Variants in LRP8 observed in about 807,000 individuals in gnomAD.
LRP8 encodes the protein low-density lipoprotein receptor-related protein 8.
A neutral mutation model predicts 111.6 loss-of-function variants in LRP8; 46 were observed. The observed-to-expected ratio is 0.41, with a 90% CI of 0.33 to 0.53. LRP8 has a LOEUF of 0.53. Ranked by LOEUF, LRP8 falls within the 20% of genes least tolerant of loss-of-function variation. LRP8 has a pLI of 0.20. For missense variants in LRP8, 959 were observed against 1,297.4 expected, an observed-to-expected ratio of 0.74 and a Z score of 4.01; for synonymous variants, 464 against 511.2, an observed-to-expected ratio of 0.91 and a Z score of 1.24.
Position 53,262,011 on chromosome 1 carries a change from A to G in LRP8, c.1914+57T>C. 2 of 1,592,340 alleles carry G rather than the reference A, an allele frequency of 1.3e-6. No individual in the cohort carries two copies. The highest frequency in any genetic ancestry group is 1.7e-6 in the Non-Finnish European group (2 of 1,167,448). On this transcript the variant is annotated intron_variant, in intron 12 of 18. Transcript: ENST00000306052. This position sits in a 1 kb window ranked among gnomAD's most constrained non-coding sequence, Gnocchi z 4.8. ...CTCAGGGACTCATCCTATTTGAACA[A>G]GCATTTTCTAGGCTTCAGCTTCCTA...
rs946802142 is a variant in LRP8, at chr1:53,250,449, C to T, written c.2676+241G>A. 1.3e-5 allele frequency among the ~76,000 whole-genome samples: 2 copies of T among 149,338 alleles called. No homozygotes were observed. Among genetic ancestry groups the T allele is most frequent in the Admixed American group, 6.7e-5 (1 of 14,946 alleles). Reference sequence around the variant, plus strand: ...CTAGAACAGTGCCTGATACATGGTGCGTTTTTGATAAATGTTTGAGGAAGG... The same window carrying T: ...CTAGAACAGTGCCTGATACATGGTGTGTTTTTGATAAATGTTTGAGGAAGG... On this transcript the variant is annotated intron_variant, in intron 17 of 18. Transcript: ENST00000306052. The surrounding 1 kb of genome is among the most constrained non-coding windows in gnomAD (Gnocchi z 4.6).
At chr1:53,285,015 T>A (rs145056377) in intron 3 of LRP8, among the ~76,000 whole-genome samples, 162 of 152,326 alleles carry the variant, frequency 1.1e-3, no homozygotes, top group Non-Finnish European at 2.0e-3. Flanking sequence ...TGAGCCTGGC[T>A]CGCAGGGTCC....
At chr1:53,265,302 T>A (rs187096557) in intron 9 of LRP8, among the ~76,000 whole-genome samples, 29 of 152,278 alleles carry the variant, frequency 1.9e-4, no homozygotes, top group African/African-American at 7.0e-4. Flanking sequence ...ACAGCTCTCT[T>A]ACGATCCAGA....
chr1:53,302,874 A>C (rs1480920217), intron 2 of LRP8, among the ~76,000 whole-genome samples: 1 of 69,908 alleles, frequency 1.4e-5, no homozygotes, highest in Non-Finnish European at 2.9e-5. Flanking sequence ...TTTTTTTTGG[A>C]TTTTTGTTGT....
intron 3 of LRP8, among the ~76,000 whole-genome samples, chr1:53,288,624 C>T (rs1026006290): frequency 2.0e-5 from 3 of 152,030 alleles, no homozygotes; most frequent in African/African-American, 7.2e-5. Context: ...CCAGCCACGG[C>T]GTTAGATGGG....
Position 53,314,036 on chromosome 1 carries a change from A to G in LRP8, c.244+12837T>C, listed in dbSNP as rs1320641773. On this transcript the variant is annotated intron_variant, in intron 2 of 18. Coordinates refer to ENST00000306052, the MANE Select transcript of LRP8 (RefSeq NM_004631.5). ...GTGTCGGGACCTTCTTCCTTCCCCT[A>G]TTCAAGGTGAGGCCTTGGGGGAAGG... is the stretch of plus-strand genomic sequence containing the variant. Among the ~76,000 whole-genome samples the G allele has an allele frequency of 2.0e-5, 3 of 152,030 alleles. No individual in the cohort carries two copies. The East Asian group carries it at 5.8e-4, about 29-fold the overall frequency.
intron 2 of LRP8, among the ~76,000 whole-genome samples, chr1:53,314,052 T>C (rs12089650): frequency 0.044 from 6,697 of 152,062 alleles, 487 homozygotes; most frequent in African/African-American, 0.15. Flanking sequence ...GGTGAGGCCT[T>C]GGGGGAAGGA....
At chr1:53,252,680 A>AAAG (rs1372277087) in intron 16 of LRP8, among the ~76,000 whole-genome samples, 1 of 152,248 alleles carries the variant, frequency 6.6e-6, no homozygotes, top group Non-Finnish European at 1.5e-5. Context: ...GAGGGACGTA[A>AAAG]AAGAAGACTG....
intron 6 of LRP8, chr1:53,274,686 G>A (rs1239784044): frequency 4.8e-5 from 22 of 456,184 alleles, no homozygotes; most frequent in Non-Finnish European, 8.4e-5. Flanking sequence ...AGTGGGCGTA[G>A]ACAGGCACCG....
At chr1:53,255,234 A>T (rs775930841) in intron 15 of LRP8, 49 bp from the exon 16 acceptor site, 1 of 1,559,034 alleles carries the variant, frequency 6.4e-7, no homozygotes, top group Non-Finnish European at 8.8e-7. Context: ...CTGTGTGTCC[A>T]AGCCCCTACT....
At position 53,303,231 on chromosome 1, in the gene LRP8, C is replaced by T. The variant is rs868076068; in HGVS notation, c.245-13542G>A. Among the ~76,000 whole-genome samples, 4 of 152,146 alleles carry T rather than the reference C, an allele frequency of 2.6e-5. No individual in the cohort carries two copies. Among genetic ancestry groups the T allele is most frequent in the African/African-American group, 7.2e-5 (3 of 41,424 alleles). On this transcript the variant is annotated intron_variant, in intron 2 of 18. Coordinates refer to ENST00000306052, the MANE Select transcript of LRP8 (RefSeq NM_004631.5). The surrounding 1 kb of genome is among the most constrained non-coding windows in gnomAD (Gnocchi z 4.3). ...CCTCCCCGTTCGAATGGGAGAGGGC[C>T]GGGGGCAGACAGGCAAGGGGCATGG... is the stretch of plus-strand genomic sequence containing the variant.
At position 53,246,674 on chromosome 1, in the gene LRP8, T is replaced by C. The variant is rs1256049242; in HGVS notation, c.*344A>G. 4.9e-6 allele frequency: 1 copy of C among 204,930 alleles called. No individual in the cohort carries two copies. Among genetic ancestry groups the C allele is most frequent in the Non-Finnish European group, 9.8e-6 (1 of 102,448 alleles). The allele number at this position is 204,930 out of a possible 1,614,324, so 12.7% of individuals were successfully genotyped here. ...AGCAACCAAACATCTTCTGTAAATATAGTTTTTAAATGATGAGTAAGGTAC... is the reference window on the plus strand; with the variant it reads ...AGCAACCAAACATCTTCTGTAAATACAGTTTTTAAATGATGAGTAAGGTAC... On this transcript the variant is annotated 3_prime_UTR_variant, in exon 19 of 19. Coordinates refer to ENST00000306052, the MANE Select transcript of LRP8 (RefSeq NM_004631.5).
At chr1:53,265,947 CAA>C (rs1646537364) in intron 9 of LRP8, among the ~76,000 whole-genome samples, 1 of 152,200 alleles carries the variant, frequency 6.6e-6, no homozygotes, top group African/African-American at 2.4e-5. Context: ...ACTGTGGCGT[CAA>C]AGACAGTGAA....
chr1:53,254,980 G>T, intron 16 of LRP8, 137 bp downstream of exon 16: 1 of 889,022 alleles, frequency 1.1e-6, no homozygotes, highest in Non-Finnish European at 1.8e-6. Context: ...ATTAAATCAG[G>T]ACTGGGAGGT....
At position 53,262,707 on chromosome 1, in the gene LRP8, A is replaced by T. The variant is rs1646390617; in HGVS notation, c.1656-143T>A. On this transcript the variant is annotated intron_variant, in intron 10 of 18. Coordinates refer to ENST00000306052, the MANE Select transcript of LRP8 (RefSeq NM_004631.5). The surrounding 1 kb of genome is among the most constrained non-coding windows in gnomAD (Gnocchi z 4.8). The stretch of plus-strand genomic sequence containing the variant: ...AAGACCTCTAAAGTTCTTTTGAACC[A>T]TCAAATCTTAGATTTAGCAGGCACT... 5 of 695,592 alleles carry T rather than the reference A, an allele frequency of 7.2e-6. No homozygotes were observed. The highest frequency in any genetic ancestry group is 1.8e-5 in the African/African-American group (1 of 56,716). 43.1% of individuals were successfully genotyped at this position (695,592 alleles called of 1,614,324 possible).
Position 53,266,659 on chromosome 1 carries a change from G to A in LRP8, c.1253-12C>T, listed in dbSNP as rs1315117770. The A allele has an allele frequency of 6.2e-7, 1 of 1,613,326 alleles. No individual in the cohort carries two copies. On this transcript the variant is annotated splice_polypyrimidine_tract_variant and intron_variant, in intron 8 of 18. Transcript: ENST00000306052. The surrounding 1 kb of genome is among the most constrained non-coding windows in gnomAD (Gnocchi z 5.0). The stretch of plus-strand genomic sequence containing the variant: ...TGGGCTCTTGCCAGCTGTCATGCAG[G>A]GAGGTTGAAAGAGAAAGAGTCAGTG...
chr1:53,327,541 C>A (rs1162636017), intron 1 of LRP8: 2 of 458,026 alleles, frequency 4.4e-6, no homozygotes, highest in Non-Finnish European at 7.0e-6. Context: ...CAAAGTTCCC[C>A]GCTGGCCAAG....
At chr1:53,321,780 G>A (rs950207639) in intron 2 of LRP8, among the ~76,000 whole-genome samples, 13 of 152,118 alleles carry the variant, frequency 8.5e-5, no homozygotes, top group African/African-American at 2.9e-4. Flanking sequence ...CATGGGGGAT[G>A]CAGGCCCTCC....
At chr1:53,292,773 T>G (rs1649025216) in intron 2 of LRP8, among the ~76,000 whole-genome samples, 1 of 152,110 alleles carries the variant, frequency 6.6e-6, no homozygotes, top group South Asian at 2.1e-4. Flanking sequence ...CCCAGAGATG[T>G]TAAGTTACAT....
Sources: allele counts gnomAD v4.1 joint callset (sites outside exome capture counted in the v4.1 genomes callset), GRCh38; gene constraint gnomAD v4.1.1; non-coding constraint Gnocchi (gnomAD v3.1); transcripts MANE v1.5; gene names NCBI Gene and HGNC (gene_info 2026-07-23, HGNC 2026-07-21).